Variants in GRID1 observed in about 807,000 individuals in gnomAD.
GRID1 encodes the protein glutamate ionotropic receptor delta type subunit 1.
GRID1 carries 28 observed loss-of-function variants against 98.0 expected under a neutral mutation model. The ratio of observed to expected loss-of-function variants is 0.29; its 90% CI spans 0.21 to 0.39. The LOEUF (loss-of-function observed/expected upper bound fraction) is 0.39, where lower values mean the gene tolerates loss of function less well. GRID1 is among the 10% of genes least tolerant of loss of function. The pLI, the probability that GRID1 is intolerant of heterozygous loss-of-function variation, is 1.00. For missense variants in GRID1, 1,111 were observed against 1,340.5 expected (o/e 0.83, Z 2.67); for synonymous variants, 553 against 538.5 (o/e 1.03, Z -0.37).
At chr10:86,055,815 C>T (rs183964318) in intron 4 of GRID1, among the ~76,000 whole-genome samples, 1 of 145,858 alleles carries the variant, frequency 6.9e-6, no homozygotes, top group African/African-American at 2.5e-5. Flanking sequence ...TGCTCTCATT[C>T]TCTCTCTCTC....
intron 5 of GRID1, among the ~76,000 whole-genome samples, chr10:85,907,941 C>T (rs1376157711): frequency 3.9e-5 from 6 of 152,160 alleles, no homozygotes; most frequent in African/African-American, 1.2e-4. Flanking sequence ...ATATGATCAT[C>T]TGAACAGATG....
intron 8 of GRID1, among the ~76,000 whole-genome samples, chr10:85,844,063 G>A (rs374170865): frequency 3.9e-5 from 6 of 152,060 alleles, no homozygotes; most frequent in Non-Finnish European, 5.9e-5. Context: ...TCCATTCTTC[G>A]AAATAATACT....
At chr10:85,787,616 GCT>G (rs1383163692) in intron 8 of GRID1, among the ~76,000 whole-genome samples, 1 of 152,168 alleles carries the variant, frequency 6.6e-6, no homozygotes, top group Non-Finnish European at 1.5e-5. Flanking sequence ...AGCCTGCCCA[GCT>G]CTGTGACATC....
At chr10:85,950,998 C>T (rs1842117538) in intron 4 of GRID1, among the ~76,000 whole-genome samples, 1 of 151,754 alleles carries the variant, frequency 6.6e-6, no homozygotes, top group East Asian at 2.0e-4. Flanking sequence ...ATCCCCATTC[C>T]ATTGGGAAAT....
intron 3 of GRID1, among the ~76,000 whole-genome samples, chr10:86,144,340 T>C (rs1276888582): frequency 6.6e-6 from 1 of 152,122 alleles, no homozygotes; most frequent in Non-Finnish European, 1.5e-5. Flanking sequence ...AGTTCCAGAA[T>C]GATGCATCTT....
chr10:86,077,127 C>T (rs61856056), intron 4 of GRID1, among the ~76,000 whole-genome samples: 41,139 of 133,832 alleles, frequency 0.31, 7,520 homozygotes, highest in East Asian at 0.54. Context: ...GAGCCTTCCG[C>T]GGGGACCATG....
intron 2 of GRID1, among the ~76,000 whole-genome samples, chr10:86,225,577 G>A (rs1256932845): frequency 1.3e-5 from 2 of 152,118 alleles, no homozygotes; most frequent in African/African-American, 2.4e-5. Flanking sequence ...AGCTGCTAGC[G>A]TCCCAGCTCC....
chr10:86,048,439 T>G (rs1564659241), intron 4 of GRID1, among the ~76,000 whole-genome samples: 1 of 152,100 alleles, frequency 6.6e-6, no homozygotes, highest in East Asian at 1.9e-4. Flanking sequence ...TACCTGCAAT[T>G]TAATATTCTA....
intron 2 of GRID1, among the ~76,000 whole-genome samples, chr10:86,358,855 A>T (rs1163324037): frequency 6.6e-6 from 1 of 151,650 alleles, no homozygotes; most frequent in Non-Finnish European, 1.5e-5. Flanking sequence ...CAAGCAGAAG[A>T]GTCAGAGAAG....
At chr10:86,238,665 T>C (rs1177754773) in intron 2 of GRID1, among the ~76,000 whole-genome samples, 9 of 100,216 alleles carry the variant, frequency 9.0e-5, no homozygotes, top group Non-Finnish European at 5.3e-5. Flanking sequence ...CGAGATTCCA[T>C]CTCAAAAAAA....
intron 4 of GRID1, among the ~76,000 whole-genome samples, chr10:86,028,088 A>C (rs1843138148): frequency 6.6e-6 from 1 of 152,216 alleles, no homozygotes; most frequent in South Asian, 2.1e-4. Context: ...TACACATCTC[A>C]CAAGACGCTG....
chr10:86,165,031 C>T (rs934916585), intron 3 of GRID1, among the ~76,000 whole-genome samples: 3 of 152,164 alleles, frequency 2.0e-5, no homozygotes, highest in Non-Finnish European at 4.4e-5. Context: ...CCAACAATGG[C>T]AGAAGTACCT....
intron 4 of GRID1, among the ~76,000 whole-genome samples, chr10:85,964,937 T>C (rs1247399933): frequency 6.6e-6 from 1 of 152,032 alleles, no homozygotes; most frequent in East Asian, 1.9e-4. Context: ...CTGAAACAAA[T>C]TTACAAGAAA....
In GRID1 at chr10:85,621,181, C is replaced by T. The variant is rs1014052700; in HGVS notation, c.2194-1148G>A. On this transcript the variant is annotated intron_variant, in intron 13 of 15. Coordinates refer to ENST00000327946, the MANE Select transcript of GRID1 (RefSeq NM_017551.3). ...GAATGTTCTTAATGCAGCAAAGTGC[C>T]TGCCTTTAATGCTATAGTGAGCACA... Among the ~76,000 whole-genome samples, 5 of 152,176 alleles carry T rather than the reference C, an allele frequency of 3.3e-5. 1 individual carries two copies. The highest frequency in any genetic ancestry group is 1.2e-4 in the African/African-American group (5 of 41,440).
chr10:85,769,376 T>C (rs1463048862), intron 8 of GRID1, among the ~76,000 whole-genome samples: 1 of 152,180 alleles, frequency 6.6e-6, no homozygotes, highest in African/African-American at 2.4e-5. Flanking sequence ...AGCTCCGGTC[T>C]ACAGCTCCCA....
At chr10:86,033,093 A>G (rs1466358632) in intron 4 of GRID1, among the ~76,000 whole-genome samples, 1 of 152,098 alleles carries the variant, frequency 6.6e-6, no homozygotes, top group Non-Finnish European at 1.5e-5. Context: ...AGAAGCTGGA[A>G]TAGAAGCCTG....
At chr10:85,806,090 A>C (rs1489398915) in intron 8 of GRID1, among the ~76,000 whole-genome samples, 1 of 151,754 alleles carries the variant, frequency 6.6e-6, no homozygotes, top group Non-Finnish European at 1.5e-5. Flanking sequence ...TGGTATCCAG[A>C]ATATTGAAGA....
At chr10:85,673,510 A>G (rs76030025) in intron 12 of GRID1, among the ~76,000 whole-genome samples, 4,955 of 152,278 alleles carry the variant, frequency 0.033, 127 homozygotes, top group Middle Eastern at 0.048. Flanking sequence ...AAACTGCCAC[A>G]GCCACTCCTA....
At chr10:86,136,444 T>A (rs532420853) in intron 4 of GRID1, among the ~76,000 whole-genome samples, 1 of 152,296 alleles carries the variant, frequency 6.6e-6, no homozygotes, top group South Asian at 2.1e-4. Context: ...TCATCACAGA[T>A]GGAAGAGAGG....
Sources: allele counts gnomAD v4.1 joint callset (sites outside exome capture counted in the v4.1 genomes callset), GRCh38; gene constraint gnomAD v4.1.1; transcripts MANE v1.5; gene names NCBI Gene and HGNC (gene_info 2026-07-23, HGNC 2026-07-21).